Variants in KPNA5 observed in about 807,000 individuals in gnomAD.
The protein encoded by KPNA5 is karyopherin subunit alpha 5, also known as importin subunit alpha-6.
In KPNA5, 46 loss-of-function variants were observed where a neutral mutation model predicts 71.3. The observed-to-expected ratio is 0.65, with a 90% CI of 0.51 to 0.83. KPNA5 has a LOEUF of 0.83. KPNA5 is among the 40% of genes least tolerant of loss of function. The pLI, the probability that KPNA5 is intolerant of heterozygous loss-of-function variation, is 0.00. For missense variants in KPNA5, 547 were observed against 628.3 expected (o/e 0.87, Z 1.38); for synonymous variants, 207 against 201.4 (o/e 1.03, Z -0.24).
intron 1 of KPNA5, 37 bp downstream of exon 1, chr6:116,681,375 C>T: frequency 6.4e-7 from 1 of 1,560,736 alleles, no homozygotes; most frequent in South Asian, 1.2e-5. Context: ...TTGGGGGAGC[C>T]TCGGTTTTGG....
chr6:116,728,114 A>C (rs1377125116), intron 12 of KPNA5, among the ~76,000 whole-genome samples: 1 of 151,786 alleles, frequency 6.6e-6, no homozygotes, highest in East Asian at 1.9e-4. Context: ...TTTCTATTCT[A>C]TCTCTTTGCT....
chr6:116,690,906 A>G (rs568469111), intron 2 of KPNA5, among the ~76,000 whole-genome samples: 5 of 152,250 alleles, frequency 3.3e-5, no homozygotes, highest in Non-Finnish European at 5.9e-5. Context: ...AATGCTGTGT[A>G]GTTGAGTTGT....
rs960587925 is a variant in KPNA5 at position 116,739,969 on chromosome 6, A to T, written c.*7646A>T. 1 of 152,156 alleles carries T rather than the reference A, an allele frequency of 6.6e-6. No homozygotes were observed. Among genetic ancestry groups the T allele is most frequent in the African/African-American group, 2.4e-5 (1 of 41,382 alleles). The allele number at this position is 152,156 out of a possible 1,614,324, so 9.4% of individuals were successfully genotyped here. A position where few individuals can be genotyped will look rare whatever the true frequency, so the allele number is the denominator to read the frequency against. ...CTTCATGTCTAAAACACCAAAAGCA[A>T]TGGCAACAAAAGCCAAAATTGACAA... On this transcript the variant is annotated 3_prime_UTR_variant, in exon 14 of 14. Transcript: ENST00000368564.
chr6:116,721,336 A>G (rs796990171), intron 8 of KPNA5, among the ~76,000 whole-genome samples: 10 of 152,160 alleles, frequency 6.6e-5, no homozygotes, highest in African/African-American at 2.4e-4. Context: ...GTTTTTTAGT[A>G]GAGATCGGGT....
chr6:116,712,996 A>G (rs1438266984), intron 7 of KPNA5, among the ~76,000 whole-genome samples: 2 of 151,904 alleles, frequency 1.3e-5, no homozygotes, highest in African/African-American at 4.8e-5. Flanking sequence ...TTAAGTTGTT[A>G]TTGCCACAAA....
intron 4 of KPNA5, among the ~76,000 whole-genome samples, chr6:116,696,788 A>G (rs1040580355): frequency 9.9e-5 from 15 of 152,134 alleles, no homozygotes; most frequent in African/African-American, 3.4e-4. Flanking sequence ...GTAGACTATC[A>G]TCCTGTCAAT....
In KPNA5 at chr6:116,692,393, G is replaced by C; in HGVS notation, c.340+1G>C. On this transcript the variant is annotated splice_donor_variant, in intron 4 of 13. Transcript: ENST00000368564. LOFTEE classifies it high-confidence loss of function. ...AAATTTAGAAAGCTGCTTTCTAAAGGCAAGAATTATTTTCAGTATGCTTAT... is the reference window on the plus strand; with the variant it reads ...AAATTTAGAAAGCTGCTTTCTAAAGCCAAGAATTATTTTCAGTATGCTTAT... The C allele has an allele frequency of 6.4e-7, 1 of 1,568,364 alleles. No individual in the cohort carries two copies. Among genetic ancestry groups the C allele is most frequent in the South Asian group, 1.2e-5 (1 of 85,394 alleles).
At chr6:116,691,214 C>T (rs1777789254) in intron 2 of KPNA5, among the ~76,000 whole-genome samples, 2 of 152,066 alleles carry the variant, frequency 1.3e-5, no homozygotes, top group African/African-American at 4.8e-5. Flanking sequence ...GGAGACAGAG[C>T]GAGACTCCGT....
At chr6:116,729,220 TA>T (rs371973712) in intron 12 of KPNA5, among the ~76,000 whole-genome samples, 6,227 of 118,602 alleles carry the variant, frequency 0.053, 190 homozygotes, top group South Asian at 0.077. Context: ...GGCTTGCCTT[TA>T]AAAAAAAAAA....
intron 6 of KPNA5, among the ~76,000 whole-genome samples, chr6:116,703,298 C>T (rs1289118788): frequency 6.0e-5 from 9 of 149,476 alleles, no homozygotes; most frequent in South Asian, 2.1e-4. Flanking sequence ...GTCTTGCTCT[C>T]GTCCCCCACG....
chr6:116,734,565 C>T lies in KPNA5; in HGVS notation c.*2242C>T, dbSNP rs923352918. 5 of 151,322 alleles carry T rather than the reference C, an allele frequency of 3.3e-5. No homozygotes were observed. Among genetic ancestry groups the T allele is most frequent in the African/African-American group, 7.3e-5 (3 of 41,302 alleles). 9.4% of individuals were successfully genotyped at this position (151,322 alleles called of 1,614,324 possible). A position where few individuals can be genotyped will look rare whatever the true frequency, so the allele number is the denominator to read the frequency against. ...AAAGAGCACTGTATAGCAGTTGGGA[C>T]CAGCTCTTGGCTTGGCTTGGCTTGG... On this transcript the variant is annotated 3_prime_UTR_variant, in exon 14 of 14. Transcript: ENST00000368564.
Position 116,737,971 on chromosome 6 carries a change from G to C in KPNA5, c.*5648G>C, listed in dbSNP as rs1779731934. On this transcript the variant is annotated 3_prime_UTR_variant, in exon 14 of 14. Coordinates refer to ENST00000368564, the MANE Select transcript of KPNA5 (RefSeq NM_001366306.2). ...CCCTAAACATTTAAGGTTGTTAAAT[G>C]TTTAATTTGGGAAGGCTAAAAATTT... 6.6e-6 allele frequency: 1 copy of C among 151,788 alleles called. No homozygotes were observed. The highest frequency in any genetic ancestry group is 2.4e-5 in the African/African-American group (1 of 41,356). The allele number at this position is 151,788 out of a possible 1,614,324, so 9.4% of individuals were successfully genotyped here. A position where few individuals can be genotyped will look rare whatever the true frequency, so the allele number is the denominator to read the frequency against.
At chr6:116,712,849 T>A (rs998060466) in intron 7 of KPNA5, among the ~76,000 whole-genome samples, 7 of 152,270 alleles carry the variant, frequency 4.6e-5, no homozygotes, top group East Asian at 3.9e-4. Context: ...CCTATTTTTT[T>A]AAAAAGTTTT....
rs1433152312 is a variant in KPNA5 at position 116,740,984 on chromosome 6, TAAAGTA to T, written c.*8662_*8667del. 1 of 151,212 alleles carries T rather than the reference TAAAGTA, an allele frequency of 6.6e-6. No individual in the cohort carries two copies. Among genetic ancestry groups the T allele is most frequent in the South Asian group, 2.1e-4 (1 of 4,820 alleles). The allele number at this position is 151,212 out of a possible 1,614,324, so 9.4% of individuals were successfully genotyped here. A position where few individuals can be genotyped will look rare whatever the true frequency, so the allele number is the denominator to read the frequency against. ...CATTGTGCACATGTACCCTGAAACT[TAAAGTA>T]TAATAAAAAAAAAAGAAATGTACTT... On this transcript the variant is annotated 3_prime_UTR_variant, in exon 14 of 14. Transcript: ENST00000368564.
At chr6:116,690,668 A>G (rs937086983) in intron 2 of KPNA5, among the ~76,000 whole-genome samples, 21 of 151,568 alleles carry the variant, frequency 1.4e-4, no homozygotes, top group African/African-American at 4.8e-4. Context: ...AAGAAGAACG[A>G]TATTTATTTA....
At position 116,692,521 on chromosome 6, in the gene KPNA5, T is replaced by C. The variant is rs10046104; in HGVS notation, c.340+129T>C. The stretch of plus-strand genomic sequence containing the variant: ...CACAGGTGTTATATTCTCTGCAAAA[T>C]ATATTGTAAAGTAACATCCGTTTTT... On this transcript the variant is annotated intron_variant, in intron 4 of 13. Transcript: ENST00000368564. 3,635 of 617,146 alleles carry C rather than the reference T, an allele frequency of 5.9e-3. 102 individuals carry two copies. The African/African-American group carries it at 0.063, about 11-fold the overall frequency. The allele number at this position is 617,146 out of a possible 1,614,324, so 38.2% of individuals were successfully genotyped here. A position where few individuals can be genotyped will look rare whatever the true frequency, so the allele number is the denominator to read the frequency against.
intron 8 of KPNA5, among the ~76,000 whole-genome samples, chr6:116,718,614 TG>T (rs1248870594): frequency 2.0e-5 from 3 of 151,980 alleles, no homozygotes; most frequent in Non-Finnish European, 4.4e-5. Context: ...TGTGAACTCC[TG>T]AGGGAAACTT....
At chr6:116,711,945 T>G (rs1465589723) in intron 7 of KPNA5, among the ~76,000 whole-genome samples, 1 of 152,196 alleles carries the variant, frequency 6.6e-6, no homozygotes, top group Non-Finnish European at 1.5e-5. Context: ...TTTTAAGTGA[T>G]ACTTCTTTTT....
rs900207515 is a variant in KPNA5 at position 116,740,109 on chromosome 6, G to T, written c.*7786G>T. ...TCACAACCTACTCATCTGACAAAGG[G>T]CTAATATCCAGAATCTACAATGAAC... is the stretch of plus-strand genomic sequence containing the variant. On this transcript the variant is annotated 3_prime_UTR_variant, in exon 14 of 14. Transcript: ENST00000368564. 3 of 151,742 alleles carry T rather than the reference G, an allele frequency of 2.0e-5. No individual in the cohort carries two copies. Among genetic ancestry groups the T allele is most frequent in the East Asian group, 1.9e-4 (1 of 5,200 alleles). The allele number at this position is 151,742 out of a possible 1,614,324, so 9.4% of individuals were successfully genotyped here.
Sources: allele counts gnomAD v4.1 joint callset (sites outside exome capture counted in the v4.1 genomes callset), GRCh38; gene constraint gnomAD v4.1.1; transcripts MANE v1.5; gene names NCBI Gene and HGNC (gene_info 2026-07-23, HGNC 2026-07-21).